The following SLC5A8 variants were observed in gnomAD, a reference collection of about 807,000 sequenced individuals.
SLC5A8 encodes the protein sodium-coupled monocarboxylate transporter 1.
A neutral mutation model predicts 71.9 loss-of-function variants in SLC5A8; 55 were observed. The ratio of observed to expected loss-of-function variants is 0.77; its 90% confidence interval spans 0.62 to 0.96. The LOEUF (loss-of-function observed/expected upper bound fraction) is 0.96, where lower values mean the gene tolerates loss of function less well. SLC5A8 is among the 40% of genes least tolerant of loss of function. The pLI, the probability that SLC5A8 is intolerant of heterozygous loss-of-function variation, is 0.00. For synonymous variants in SLC5A8, 307 were observed against 276.1 expected, an observed-to-expected ratio of 1.11 and a Z score of -1.11; for missense variants, 701 against 745.3, an observed-to-expected ratio of 0.94 and a Z score of 0.69.
intron 5 of SLC5A8, among the ~76,000 whole-genome samples, chr12:101,192,773 A>G (rs776877137): frequency 1.2e-4 from 19 of 152,216 alleles, no homozygotes; most frequent in Non-Finnish European, 2.5e-4. Context: ...ATTATAATAC[A>G]TAATCATAAG....
chr12:101,165,395 C>G (rs571895461), intron 12 of SLC5A8, among the ~76,000 whole-genome samples: 2 of 152,148 alleles, frequency 1.3e-5, no homozygotes, highest in East Asian at 1.9e-4. Flanking sequence ...CTCACTTAAC[C>G]TTCAATTAAT....
chr12:101,189,276 C>A (rs1283074554), intron 6 of SLC5A8, among the ~76,000 whole-genome samples: 1 of 152,042 alleles, frequency 6.6e-6, no homozygotes, highest in African/African-American at 2.4e-5. Context: ...CGTAAAATAC[C>A]AGAATTCCTA....
At chr12:101,184,002 C>T (rs1258911625) in intron 8 of SLC5A8, 132 bp downstream of exon 8, 7 of 771,540 alleles carry the variant, frequency 9.1e-6, no homozygotes, top group African/African-American at 5.3e-5. Context: ...AGAGAGGACA[C>T]ATACAGCAGA....
chr12:101,186,016 C>T (rs573639988), intron 7 of SLC5A8, among the ~76,000 whole-genome samples: 1 of 150,794 alleles, frequency 6.6e-6, no homozygotes, highest in Admixed American at 6.6e-5. Flanking sequence ...ACTCTCTAAG[C>T]GTATGCAAGC....
chr12:101,161,029 G>A (rs1399033815), intron 13 of SLC5A8, among the ~76,000 whole-genome samples: 1 of 152,222 alleles, frequency 6.6e-6, no homozygotes. Flanking sequence ...TGTGAAAATG[G>A]GACACACACA....
At chr12:101,184,017 C>G (rs1330869670) in intron 8 of SLC5A8, 117 bp downstream of exon 8, 1 of 942,802 alleles carries the variant, frequency 1.1e-6, no homozygotes, top group Non-Finnish European at 1.6e-6. Context: ...AGCAGATTGC[C>G]TACTTTGGGC....
At position 101,155,518 on chromosome 12, in the gene SLC5A8, ACT is replaced by A. The variant is rs2051651329; in HGVS notation, c.*1759_*1760del. 9.4e-6 allele frequency: 1 copy of A among 106,258 alleles called. No individual in the cohort carries two copies. 6.6% of individuals were successfully genotyped at this position (106,258 alleles called of 1,614,324 possible). A position where few individuals can be genotyped will look rare whatever the true frequency, so the allele number is the denominator to read the frequency against. Reference sequence around the variant, plus strand: ...TTTTTTTTCCCAGAGACAAGATTTCACTCTGTTACCCAGGCTGGAGTGCAGTG... The same window carrying A: ...TTTTTTTTCCCAGAGACAAGATTTCACTGTTACCCAGGCTGGAGTGCAGTG... On this transcript the variant is annotated 3_prime_UTR_variant, in exon 15 of 15. Transcript: ENST00000536262.
In SLC5A8 at chr12:101,157,267, A is replaced by G; in HGVS notation, c.*12T>C. On this transcript the variant is annotated 3_prime_UTR_variant, in exon 15 of 15. Coordinates refer to ENST00000536262, the MANE Select transcript of SLC5A8 (RefSeq NM_145913.5). ...GAAACATCATTTAAGGATATCTAGTATCAGAGCAGCTTCACAAACGAGTCC... is the reference window on the plus strand; with the variant it reads ...GAAACATCATTTAAGGATATCTAGTGTCAGAGCAGCTTCACAAACGAGTCC... 6.2e-7 allele frequency: 1 copy of G among 1,609,740 alleles called. No individual in the cohort carries two copies. Among genetic ancestry groups the G allele is most frequent in the African/African-American group, 1.3e-5 (1 of 74,802 alleles).
chr12:101,204,606 T>G (rs749904657), intron 1 of SLC5A8, 41 bp from the exon 2 acceptor site: 1 of 1,391,996 alleles, frequency 7.2e-7, no homozygotes, highest in Admixed American at 2.2e-5. Flanking sequence ...TCTGGATGCC[T>G]TTTTTAAAAT....
intron 10 of SLC5A8, among the ~76,000 whole-genome samples, chr12:101,171,057 G>A (rs2051825236): frequency 1.3e-5 from 2 of 152,176 alleles, no homozygotes; most frequent in South Asian, 4.1e-4. Flanking sequence ...TTTAGTCACA[G>A]GTTAGATGAC....
At position 101,157,295 on chromosome 12, in the gene SLC5A8, T is replaced by C. The variant is rs1194915215; in HGVS notation, c.1817A>G (p.Asn606Ser). ...AGAGCAGCTTCACAAACGAGTCCCA[T>C]TGCTCTTGCCACTCTGATCTGAGTT... is the stretch of plus-strand genomic sequence containing the variant. ...ELNSDQSGKS[N>S]GTRL Residue 606 changes from asparagine (N) to serine (S), a missense_variant, in exon 15 of 15, where the codon AAT (asparagine) becomes AGT (serine). Asn to Ser is a conservative substitution (Grantham distance 46). Transcript: ENST00000536262. The C allele has an allele frequency of 6.2e-7, 1 of 1,613,218 alleles. No homozygotes were observed. The highest frequency in any genetic ancestry group is 1.3e-5 in the African/African-American group (1 of 74,862).
chr12:101,162,086 G>C lies in SLC5A8; in HGVS notation c.1527-9C>G. On this transcript the variant is annotated splice_polypyrimidine_tract_variant and intron_variant, in intron 12 of 14. Coordinates refer to ENST00000536262, the MANE Select transcript of SLC5A8 (RefSeq NM_145913.5). ...TATCCATCAGTGGAGTCCTAAGAGA[G>C]CAAAAACACAACGGTAAGATTTCAT... 6.3e-7 allele frequency: 1 copy of C among 1,586,052 alleles called. No homozygotes were observed. The highest frequency in any genetic ancestry group is 8.7e-7 in the Non-Finnish European group (1 of 1,155,286).
Position 101,190,426 on chromosome 12 carries a change from T to G in SLC5A8, c.833+42A>C. The stretch of plus-strand genomic sequence containing the variant: ...ATGAAAGAGTTTCCATAAAGACAAC[T>G]GATGGTTATTAATGATTCATATACC... On this transcript the variant is annotated intron_variant, in intron 6 of 14. Transcript: ENST00000536262. 3 of 1,584,558 alleles carry G rather than the reference T, an allele frequency of 1.9e-6. No individual in the cohort carries two copies. The Admixed American group carries it at 5.6e-5, about 30-fold the overall frequency.
chr12:101,157,383 A>T lies in SLC5A8; in HGVS notation c.1729T>A (p.Tyr577Asn). 1 of 1,605,246 alleles carries T rather than the reference A, an allele frequency of 6.2e-7. No homozygotes were observed. The highest frequency in any genetic ancestry group is 8.5e-7 in the Non-Finnish European group (1 of 1,175,162). ...CCATCTTCCACTGGATGTGATTTAT[A>T]GCTCAAAACATGCTTCTTCTAAAAG... ...IFKKKKHVLS[Y>N]KSHPVEDGGT... The change falls in exon 15 of 15, where the codon TAT becomes AAT. Residue 577 changes from tyrosine to asparagine, a missense_variant. Physicochemically the swap from Tyr to Asn is moderately radical, Grantham distance 143. Coordinates refer to ENST00000536262, the MANE Select transcript of SLC5A8 (RefSeq NM_145913.5).
chr12:101,166,442 A>T, intron 12 of SLC5A8, 52 bp downstream of exon 12: 3 of 1,497,056 alleles, frequency 2.0e-6, no homozygotes, highest in Non-Finnish European at 2.7e-6. Context: ...GGGGTTCTCT[A>T]CTTGTTGCGT....
chr12:101,209,430 G>A (rs1869818759), intron 1 of SLC5A8, 68 bp downstream of exon 1: 1 of 1,245,222 alleles, frequency 8.0e-7, no homozygotes, highest in South Asian at 1.6e-5. Context: ...CCAAGAAAAC[G>A]CCTCCAGAGG....
At chr12:101,158,574 C>T (rs1289942322) in intron 13 of SLC5A8, among the ~76,000 whole-genome samples, 2 of 48,148 alleles carry the variant, frequency 4.2e-5, no homozygotes, top group Non-Finnish European at 7.7e-5. Context: ...CTCTCTCTCT[C>T]TCTCTCTCTC....
At chr12:101,165,165 A>G (rs2051757994) in intron 12 of SLC5A8, among the ~76,000 whole-genome samples, 1 of 152,184 alleles carries the variant, frequency 6.6e-6, no homozygotes, top group Non-Finnish European at 1.5e-5. Flanking sequence ...TGCTGGGTAC[A>G]TAGTCCATGC....
chr12:101,194,973 G>A lies in SLC5A8; in HGVS notation c.537+122C>T. On this transcript the variant is annotated intron_variant, in intron 4 of 14. Transcript: ENST00000536262. ...TTTCTCACACAAAAAAAGTTACACT[G>A]CAGGAGGTTGGGAATAGGAGAGTAA... 3 of 842,040 alleles carry A rather than the reference G, an allele frequency of 3.6e-6. No individual in the cohort carries two copies. The South Asian group carries it at 4.9e-5, about 14-fold the overall frequency. 52.2% of individuals were successfully genotyped at this position (842,040 alleles called of 1,614,324 possible). A position where few individuals can be genotyped will look rare whatever the true frequency, so the allele number is the denominator to read the frequency against.
Sources: allele counts gnomAD v4.1 joint callset (sites outside exome capture counted in the v4.1 genomes callset), GRCh38; gene constraint gnomAD v4.1.1; transcripts MANE v1.5; gene names NCBI Gene and HGNC (gene_info 2026-07-23, HGNC 2026-07-21).